MAPK8IP3: variants seen among roughly 807,000 people sequenced by gnomAD.
MAPK8IP3 encodes the protein mitogen-activated protein kinase 8 interacting protein 3.
Under a neutral mutation model 157.8 loss-of-function variants are expected in MAPK8IP3, and 49 were observed. That is an observed-to-expected ratio of 0.31 (90% CI 0.25 to 0.39). The LOEUF is 0.39. Among genes scored for constraint, MAPK8IP3 ranks in the 10% least tolerant of loss-of-function variants. MAPK8IP3 has a pLI of 1.00. For missense variants in MAPK8IP3, 1,478 were observed against 1,889.4 expected, an observed-to-expected ratio of 0.78 and a Z score of 4.04; for synonymous variants, 897 against 777.7, an observed-to-expected ratio of 1.15 and a Z score of -2.55.
At chr16:1,713,592 T>G (rs1006030236) in intron 1 of MAPK8IP3, 3 of 152,212 alleles carry the variant, frequency 2.0e-5, no homozygotes, top group Admixed American at 2.0e-4. Flanking sequence ...GCAGTGGGTT[T>G]CAGATACAGG....
chr16:1,748,855 G>A, intron 8 of MAPK8IP3, 135 bp downstream of exon 8: 2 of 841,822 alleles, frequency 2.4e-6, no homozygotes, highest in Non-Finnish European at 4.1e-6. Flanking sequence ...GCTTTGTTGA[G>A]TTGCGTTTCA....
At position 1,742,447 on chromosome 16, in the gene MAPK8IP3, G is replaced by A. The variant is rs2040739965; in HGVS notation, c.603-885G>A. The stretch of plus-strand genomic sequence containing the variant: ...TCAGGTTCGGGGCTCCCTGACAGCA[G>A]AGAGGACACGTGGGGAGGGAGAAGA... On this transcript the variant is annotated intron_variant, in intron 4 of 31. Transcript: ENST00000610761. The surrounding 1 kb of genome is among the most constrained non-coding windows in gnomAD (Gnocchi z 5.0). 6.6e-6 allele frequency among the ~76,000 whole-genome samples: 1 copy of A among 152,226 alleles called. No homozygotes were observed. The highest frequency in any genetic ancestry group is 6.5e-5 in the Admixed American group (1 of 15,282).
chr16:1,753,083 C>T (rs1381110252), intron 8 of MAPK8IP3, among the ~76,000 whole-genome samples: 2 of 152,196 alleles, frequency 1.3e-5, no homozygotes, highest in Non-Finnish European at 2.9e-5. Context: ...TTGCACGTGA[C>T]GGGAGGGTGC....
intron 9 of MAPK8IP3, among the ~76,000 whole-genome samples, chr16:1,758,468 G>A (rs1180413932): frequency 6.6e-6 from 1 of 152,172 alleles, no homozygotes; most frequent in East Asian, 1.9e-4. Flanking sequence ...CCAGCTCTGG[G>A]GCCTCCCCTG....
intron 8 of MAPK8IP3, 80 bp downstream of exon 8, chr16:1,748,800 G>C (rs766708083): frequency 2.3e-5 from 29 of 1,274,180 alleles, no homozygotes; most frequent in Middle Eastern, 1.9e-4. Context: ...TGTAATGAAA[G>C]GAAAGTCCTC....
At chr16:1,736,115 C>T (rs1442721392) in intron 4 of MAPK8IP3, among the ~76,000 whole-genome samples, 4 of 115,410 alleles carry the variant, frequency 3.5e-5, no homozygotes, top group African/African-American at 1.0e-4. Flanking sequence ...TCCGTGTGAC[C>T]GTCCGTGTGT....
chr16:1,725,331 T>TAAA (rs148914770), intron 2 of MAPK8IP3, among the ~76,000 whole-genome samples: 27 of 137,300 alleles, frequency 2.0e-4, no homozygotes, highest in Non-Finnish European at 3.2e-5. Flanking sequence ...CCTCATCTCT[T>TAAA]AAAAAAAAAA....
chr16:1,752,408 C>A (rs368476201), intron 8 of MAPK8IP3: 44 of 277,690 alleles, frequency 1.6e-4, no homozygotes, highest in East Asian at 1.5e-3. Flanking sequence ...AGTAACAGAC[C>A]TTTTGGTGCC....
At chr16:1,715,159 T>G (rs1268981752) in intron 1 of MAPK8IP3, among the ~76,000 whole-genome samples, 1 of 152,176 alleles carries the variant, frequency 6.6e-6, no homozygotes, top group Non-Finnish European at 1.5e-5. Context: ...ACGTGGACAC[T>G]GAACCCAGCC....
chr16:1,749,004 G>A (rs1567185222), intron 8 of MAPK8IP3: 4 of 507,574 alleles, frequency 7.9e-6, no homozygotes, highest in Non-Finnish European at 1.5e-5. Flanking sequence ...TCACCTCTAG[G>A]TTATGTTGTA....
chr16:1,736,229 T>A (rs2039795649), intron 4 of MAPK8IP3, among the ~76,000 whole-genome samples: 1 of 105,270 alleles, frequency 9.5e-6, no homozygotes. Context: ...AGCGTCCGTG[T>A]AAGCATCCGT....
chr16:1,723,444 C>T (rs1596570401), intron 1 of MAPK8IP3, among the ~76,000 whole-genome samples: 1 of 151,968 alleles, frequency 6.6e-6, no homozygotes, highest in Non-Finnish European at 1.5e-5. Context: ...GCCACTGTGC[C>T]CGGCCTCTAC....
In MAPK8IP3 at chr16:1,707,016, C is replaced by T. The variant is rs775721506; in HGVS notation, c.318+359C>T. Among the ~76,000 whole-genome samples, 4 of 151,612 alleles carry T rather than the reference C, an allele frequency of 2.6e-5. 1 individual carries two copies. The highest frequency in any genetic ancestry group is 4.4e-5 in the Non-Finnish European group (3 of 67,856). ...AACCCGATGTGCCTGGCGTCATCCCCGGGGAGCTCAGCTTCAAAGCCAGGC... is the reference window on the plus strand; with the variant it reads ...AACCCGATGTGCCTGGCGTCATCCCTGGGGAGCTCAGCTTCAAAGCCAGGC... On this transcript the variant is annotated intron_variant, in intron 1 of 31. Coordinates refer to ENST00000610761, the MANE Select transcript of MAPK8IP3 (RefSeq NM_001318852.2).
At chr16:1,764,862 G>A (rs1392453942) in intron 19 of MAPK8IP3, 151 bp from the exon 20 acceptor site, 13 of 726,680 alleles carry the variant, frequency 1.8e-5, no homozygotes, top group South Asian at 1.3e-4. Context: ...TCCTGAGTCC[G>A]CATTGTTCTG....
rs202005400 is a variant in MAPK8IP3 at position 1,762,883 on chromosome 16, G to A, written c.1775G>A (p.Arg592His). 1,376 of 1,612,900 alleles carry A rather than the reference G, an allele frequency of 8.5e-4. 23 individuals carry two copies. The highest frequency in any genetic ancestry group is 1.6e-4 in the Non-Finnish European group (190 of 1,179,934). ...SSSSSPPPAK[R>H]PYPSVNIHYK... Reference sequence around the variant, plus strand: ...TCCTCCAGCCCCCCTCCGGCCAAGCGCCCCTATCCCTCGGTGAACATCCAC... The same window carrying A: ...TCCTCCAGCCCCCCTCCGGCCAAGCACCCCTATCCCTCGGTGAACATCCAC... The change falls in exon 16 of 32, where the codon CGC becomes CAC. Residue 592 changes from arginine (R) to histidine (H), a missense_variant. This residue lies in a region of MAPK8IP3 where 669 missense variants were observed against 759.8 expected (regional missense o/e 0.88). Coordinates refer to ENST00000610761, the MANE Select transcript of MAPK8IP3 (RefSeq NM_001318852.2).
At chr16:1,766,430 A>G (rs2042264309) in intron 22 of MAPK8IP3, 21 bp downstream of exon 22, 3 of 1,606,572 alleles carry the variant, frequency 1.9e-6, no homozygotes, top group Non-Finnish European at 2.6e-6. Flanking sequence ...GGGCTGGGGC[A>G]GGAGCAGAGG....
chr16:1,764,308 G>A lies in MAPK8IP3; in HGVS notation c.2129G>A (p.Cys710Tyr). 6.3e-7 allele frequency: 1 copy of A among 1,577,702 alleles called. No individual in the cohort carries two copies. Among genetic ancestry groups the A allele is most frequent in the Non-Finnish European group, 8.6e-7 (1 of 1,162,986 alleles). Residue 710 changes from cysteine (C) to tyrosine (Y), a missense_variant, in exon 19 of 32, where the codon TGT (cysteine) becomes TAT (tyrosine). This residue lies in a region of MAPK8IP3 where 669 missense variants were observed against 759.8 expected (regional missense o/e 0.88). Coordinates refer to ENST00000610761, the MANE Select transcript of MAPK8IP3 (RefSeq NM_001318852.2). Reference sequence around the variant, plus strand: ...TCGGCCCTGCCCTTGCAGCTGTGGTGTGCCGCGGGCGTCAACCTGAGCGGG... The same window carrying A: ...TCGGCCCTGCCCTTGCAGCTGTGGTATGCCGCGGGCGTCAACCTGAGCGGG... Reference protein sequence around the residue: ...VEKDPTMKLWCAAGVNLSGWR... With the variant: ...VEKDPTMKLWYAAGVNLSGWR...
intron 1 of MAPK8IP3, among the ~76,000 whole-genome samples, chr16:1,713,214 G>A (rs1475750172): frequency 6.6e-6 from 1 of 152,162 alleles, no homozygotes; most frequent in African/African-American, 2.4e-5. Flanking sequence ...GAGCATTTTA[G>A]GCATGACTCA....
chr16:1,716,769 C>G (rs1436846433), intron 1 of MAPK8IP3, among the ~76,000 whole-genome samples: 1 of 151,910 alleles, frequency 6.6e-6, no homozygotes, highest in Non-Finnish European at 1.5e-5. Flanking sequence ...CAAAAATTAG[C>G]CAGGTATGAC....
Sources: gnomAD v4.1 joint callset for allele counts (sites outside exome capture counted in the v4.1 genomes callset) on GRCh38, gnomAD v4.1.1 for gene constraint, gnomAD v4.1.1 regional missense constraint, Gnocchi (gnomAD v3.1) non-coding constraint, MANE v1.5 for transcripts, NCBI Gene and HGNC (gene_info 2026-07-23, HGNC 2026-07-21) for gene names.